ITGA1: variants seen among roughly 807,000 people sequenced by gnomAD.
The protein encoded by ITGA1 is integrin alpha-1.
In ITGA1, 85 loss-of-function variants were observed where a neutral mutation model predicts 145.9. The ratio of observed to expected loss-of-function variants is 0.58; its 90% CI spans 0.49 to 0.70. ITGA1 has a LOEUF of 0.70. Among genes scored for constraint, ITGA1 ranks in the 30% least tolerant of loss-of-function variants. The pLI is 0.00. For missense variants in ITGA1, 1,351 were observed against 1,418.7 expected, an observed-to-expected ratio of 0.95 and a Z score of 0.77; for synonymous variants, 520 against 495.3, an observed-to-expected ratio of 1.05 and a Z score of -0.66.
In ITGA1 at chr5:52,898,219, CTTAT is replaced by C. The variant is rs1163924472; in HGVS notation, c.1165-13_1165-10del. ...TATTATTTTTATTAAATATTATTAT[CTTAT>C]TTATTTGCATGTAAGGACTGGGTCA... On this transcript the variant is annotated splice_polypyrimidine_tract_variant and intron_variant, in intron 10 of 28. Coordinates refer to ENST00000282588, the MANE Select transcript of ITGA1 (RefSeq NM_181501.2). 1 of 1,427,596 alleles carries C rather than the reference CTTAT, an allele frequency of 7.0e-7. No homozygotes were observed. Among genetic ancestry groups the C allele is most frequent in the African/African-American group, 1.4e-5 (1 of 68,984 alleles). 88.4% of individuals were successfully genotyped at this position (1,427,596 alleles called of 1,614,324 possible).
At chr5:52,832,369 T>G (rs1749085081) in intron 1 of ITGA1, among the ~76,000 whole-genome samples, 1 of 152,076 alleles carries the variant, frequency 6.6e-6, no homozygotes, top group Admixed American at 6.6e-5. Context: ...GGTGGCAGAG[T>G]CACTTAAAAA....
intron 7 of ITGA1, among the ~76,000 whole-genome samples, chr5:52,882,247 G>A (rs573844937): frequency 1.3e-5 from 2 of 152,150 alleles, no homozygotes; most frequent in South Asian, 4.2e-4. Context: ...AATTGATAGA[G>A]AATCCATTTT....
At chr5:52,794,498 A>AGTAC (rs1748301301) in intron 1 of ITGA1, among the ~76,000 whole-genome samples, 1 of 84,500 alleles carries the variant, frequency 1.2e-5, no homozygotes, top group Admixed American at 1.3e-4. Context: ...TGCAAATAGA[A>AGTAC]ATACACACAC....
chr5:52,912,141 A>C (rs1237056796), intron 14 of ITGA1, among the ~76,000 whole-genome samples: 1 of 143,302 alleles, frequency 7.0e-6, no homozygotes, highest in Non-Finnish European at 1.5e-5. Context: ...TAGCGTATCT[A>C]GTATATAGAT....
chr5:52,851,200 G>C (rs1003445265), intron 2 of ITGA1, among the ~76,000 whole-genome samples: 7 of 152,120 alleles, frequency 4.6e-5, no homozygotes, highest in Admixed American at 3.9e-4. Flanking sequence ...TCTGATATCA[G>C]AAAAACCTGT....
chr5:52,794,498 A>AACACACAC (rs1276492389), intron 1 of ITGA1, among the ~76,000 whole-genome samples: 2 of 84,546 alleles, frequency 2.4e-5, no homozygotes, highest in African/African-American at 8.3e-5. Flanking sequence ...TGCAAATAGA[A>AACACACAC]ATACACACAC....
chr5:52,918,705 G>T, intron 15 of ITGA1, 27 bp from the exon 16 acceptor site: 2 of 1,592,668 alleles, frequency 1.3e-6, no homozygotes, highest in South Asian at 2.3e-5. Flanking sequence ...AAAAATGTGT[G>T]AGTAATCCCA....
intron 17 of ITGA1, 76 bp downstream of exon 17, chr5:52,920,544 A>G: frequency 5.2e-6 from 6 of 1,160,362 alleles, no homozygotes; most frequent in African/African-American, 1.6e-5. Flanking sequence ...CAAGTCAATC[A>G]AATTCTTACT....
At chr5:52,855,778 T>G (rs1303992830) in intron 2 of ITGA1, among the ~76,000 whole-genome samples, 1 of 152,178 alleles carries the variant, frequency 6.6e-6, no homozygotes, top group African/African-American at 2.4e-5. Flanking sequence ...TGAGGCTTCC[T>G]TAGGATTCAA....
Position 52,924,234 on chromosome 5 carries a change from A to C in ITGA1, c.2404-1044A>C, listed in dbSNP as rs537042856. On this transcript the variant is annotated intron_variant, in intron 18 of 28. Transcript: ENST00000282588. The stretch of plus-strand genomic sequence containing the variant: ...AGTCTAACACTGGAAACAGGTATTA[A>C]GTAGTAATTAGAGCATATGCTATGG... Among the ~76,000 whole-genome samples the C allele has an allele frequency of 9.2e-5, 14 of 152,294 alleles. No homozygotes were observed. In the East Asian group the frequency reaches 2.7e-3, roughly 29 times the overall value.
intron 1 of ITGA1, chr5:52,800,932 C>T: frequency 6.2e-7 from 1 of 1,614,136 alleles, no homozygotes; most frequent in Non-Finnish European, 8.5e-7. Context: ...TCAGCATGAC[C>T]GGGCCTTGGA....
chr5:52,799,726 G>A (rs1748416348), intron 1 of ITGA1, among the ~76,000 whole-genome samples: 1 of 152,186 alleles, frequency 6.6e-6, no homozygotes, highest in Non-Finnish European at 1.5e-5. Context: ...GAGCAAAAAC[G>A]AGCATAGTTT....
At chr5:52,906,852 G>A (rs1398456121) in intron 12 of ITGA1, among the ~76,000 whole-genome samples, 1 of 152,152 alleles carries the variant, frequency 6.6e-6, no homozygotes, top group Non-Finnish European at 1.5e-5. Context: ...AAGCTCAGGT[G>A]CAGGGATACT....
intron 1 of ITGA1, among the ~76,000 whole-genome samples, chr5:52,838,385 T>C (rs888480667): frequency 6.6e-6 from 1 of 152,204 alleles, no homozygotes; most frequent in Non-Finnish European, 1.5e-5. Context: ...CAATTTTTTT[T>C]AATAGGTTTT....
chr5:52,871,412 T>C (rs1192929214), intron 6 of ITGA1, among the ~76,000 whole-genome samples: 1 of 152,150 alleles, frequency 6.6e-6, no homozygotes, highest in African/African-American at 2.4e-5. Flanking sequence ...GGGCCACAAA[T>C]AAAGGTTATA....
intron 5 of ITGA1, 82 bp downstream of exon 5, chr5:52,865,164 A>C: frequency 1.0e-6 from 1 of 992,508 alleles, no homozygotes; most frequent in Non-Finnish European, 1.5e-6. Flanking sequence ...GAACATACCA[A>C]AAAGCTTAAA....
chr5:52,804,941 A>G (rs1748561081), intron 1 of ITGA1, among the ~76,000 whole-genome samples: 1 of 152,126 alleles, frequency 6.6e-6, no homozygotes, highest in Non-Finnish European at 1.5e-5. Context: ...TTTATATTAC[A>G]CTAATCATTA....
rs1751289937 is a variant in ITGA1, at chr5:52,955,388, GA to G, written c.*2938del. 8.4e-6 allele frequency: 1 copy of G among 118,452 alleles called. No individual in the cohort carries two copies. Among genetic ancestry groups the G allele is most frequent in the Non-Finnish European group, 1.8e-5 (1 of 54,714 alleles). The allele number at this position is 118,452 out of a possible 1,614,324, so 7.3% of individuals were successfully genotyped here. A position where few individuals can be genotyped will look rare whatever the true frequency, so the allele number is the denominator to read the frequency against. On this transcript the variant is annotated 3_prime_UTR_variant, in exon 29 of 29. Transcript: ENST00000282588. Reference sequence around the variant, plus strand: ...AGATAGATAGATAGATAGATAGATAGATAGATATTGATAGAGAACATGTTGT... The same window carrying G: ...AGATAGATAGATAGATAGATAGATAGTAGATATTGATAGAGAACATGTTGT...
At chr5:52,931,020 A>G (rs1288630414) in intron 21 of ITGA1, 1 of 152,142 alleles carries the variant, frequency 6.6e-6, no homozygotes, top group South Asian at 2.1e-4. Flanking sequence ...ACAAATACCT[A>G]TAATCCAAGG....
Sources: allele counts gnomAD v4.1 joint callset (sites outside exome capture counted in the v4.1 genomes callset), GRCh38; gene constraint gnomAD v4.1.1; transcripts MANE v1.5; gene names NCBI Gene and HGNC (gene_info 2026-07-23, HGNC 2026-07-21).